Variants in TRIOBP observed in about 807,000 individuals in gnomAD.
TRIOBP encodes TRIO and F-actin binding protein, also known as TRIO and F-actin-binding protein.
TRIOBP carries 169 observed loss-of-function variants against 238.8 expected under a neutral mutation model. The observed-to-expected ratio is 0.71, with a 90% CI of 0.62 to 0.80. TRIOBP has a LOEUF of 0.80. TRIOBP is among the 30% of genes least tolerant of loss of function. The pLI, the probability that TRIOBP is intolerant of heterozygous loss-of-function variation, is 0.00. For missense variants in TRIOBP, 2,838 were observed against 3,122.6 expected (o/e 0.91, Z 2.17); for synonymous variants, 1,150 against 1,274.4 (o/e 0.90, Z 2.08).
chr22:37,751,726 G>A, intron 11 of TRIOBP, 46 bp from the exon 12 acceptor site: 2 of 1,609,928 alleles, frequency 1.2e-6, no homozygotes, highest in Non-Finnish European at 1.7e-6. Context: ...AGCCCCCATT[G>A]GCTTCCTGCT....
chr22:37,743,402 CT>C (rs1195428683), intron 11 of TRIOBP, among the ~76,000 whole-genome samples: 1 of 152,192 alleles, frequency 6.6e-6, no homozygotes, highest in Non-Finnish European at 1.5e-5. Flanking sequence ...TAGCTCTGGT[CT>C]TTGCCAGTTT....
In TRIOBP at chr22:37,723,068, G is replaced by C. The variant is rs181255301; in HGVS notation, c.629-117G>C. The stretch of plus-strand genomic sequence containing the variant: ...TCACTTGGTACAGACAGTGAGACCT[G>C]TAGGAGGAGGGTGTGGGGTTTGCCC... On this transcript the variant is annotated intron_variant, in intron 6 of 23. Transcript: ENST00000644935. 1.2e-5 allele frequency: 12 copies of C among 989,482 alleles called. No homozygotes were observed. The East Asian group carries it at 2.6e-4, about 21-fold the overall frequency. 61.3% of individuals were successfully genotyped at this position (989,482 alleles called of 1,614,324 possible).
chr22:37,741,292 C>T (rs765914865), intron 11 of TRIOBP, among the ~76,000 whole-genome samples: 15 of 152,108 alleles, frequency 9.9e-5, no homozygotes, highest in Non-Finnish European at 1.9e-4. Context: ...ATCTACACAG[C>T]TGAAAGCTTC....
At chr22:37,766,981 T>G (rs1926528522) in intron 18 of TRIOBP, among the ~76,000 whole-genome samples, 1 of 138,978 alleles carries the variant, frequency 7.2e-6, no homozygotes, top group Non-Finnish European at 1.5e-5. Flanking sequence ...GGCCAGGCAC[T>G]GTGGCTCATG....
intron 7 of TRIOBP, among the ~76,000 whole-genome samples, chr22:37,730,447 A>G (rs1924368342): frequency 6.6e-6 from 1 of 152,164 alleles, no homozygotes; most frequent in African/African-American, 2.4e-5. Context: ...ATCCATCCGG[A>G]AGAGAACACA....
intron 6 of TRIOBP, among the ~76,000 whole-genome samples, chr22:37,718,496 C>T (rs2413479): frequency 0.54 from 81,044 of 150,794 alleles, 22,502 homozygotes; most frequent in East Asian, 0.7. Flanking sequence ...CAAGAGGCTG[C>T]TCAGCATCCC....
At position 37,716,268 on chromosome 22, in the gene TRIOBP, T is replaced by A. The variant is rs557099772; in HGVS notation, c.628+334T>A. On this transcript the variant is annotated intron_variant, in intron 6 of 23. Coordinates refer to ENST00000644935, the MANE Select transcript of TRIOBP (RefSeq NM_001039141.3). The stretch of plus-strand genomic sequence containing the variant: ...CTAAGATTACAGGCTCCCGCCACCA[T>A]GCCCAGCTAATTTTTGTCTTTTTAG... Among the ~76,000 whole-genome samples, 9 of 146,596 alleles carry A rather than the reference T, an allele frequency of 6.1e-5. No individual in the cohort carries two copies. In the East Asian group the frequency reaches 1.9e-3, roughly 31 times the overall value.
At chr22:37,738,772 G>C (rs1165462702) in intron 10 of TRIOBP, 53 bp downstream of exon 10, 29 of 1,572,440 alleles carry the variant, frequency 1.8e-5, no homozygotes, top group Middle Eastern at 3.5e-4. Context: ...GGGGGAAGCA[G>C]GTTGGAGATG....
At position 37,725,460 on chromosome 22, in the gene TRIOBP, C is replaced by A. The variant is rs1425776536; in HGVS notation, c.2904C>A (p.Thr968=). 2 of 1,613,188 alleles carry A rather than the reference C, an allele frequency of 1.2e-6. No individual in the cohort carries two copies. Among genetic ancestry groups the A allele is most frequent in the Middle Eastern group, 1.7e-4 (1 of 6,058 alleles). ...CACCCCAGTCCTCCTTTGGCCCCAC[C>A]CAGTACAACTTGCCATCCCGGGCCA... ...HDPPQSSFGP[T]QYNLPSRATS... Residue 968 remains threonine (T), a synonymous_variant, in exon 7 of 24, where the codon ACC becomes ACA. Coordinates refer to ENST00000644935, the MANE Select transcript of TRIOBP (RefSeq NM_001039141.3).
At chr22:37,752,579 G>T (rs1325899125) in intron 12 of TRIOBP, among the ~76,000 whole-genome samples, 2 of 152,212 alleles carry the variant, frequency 1.3e-5, no homozygotes, top group Admixed American at 6.5e-5. Context: ...ATGCCGGAGA[G>T]GGCTTTGAGC....
At chr22:37,705,085 A>G (rs1328625840) in intron 3 of TRIOBP, among the ~76,000 whole-genome samples, 1 of 149,690 alleles carries the variant, frequency 6.7e-6, no homozygotes, top group Non-Finnish European at 1.5e-5. Flanking sequence ...AAACAAAACA[A>G]ACAAACAGGT....
chr22:37,717,410 T>G (rs898219497), intron 6 of TRIOBP, among the ~76,000 whole-genome samples: 1 of 152,236 alleles, frequency 6.6e-6, no homozygotes, highest in African/African-American at 2.4e-5. Context: ...CCTGCTTTTA[T>G]TCTCTTGTCT....
chr22:37,729,110 G>T (rs1338626704), intron 7 of TRIOBP, among the ~76,000 whole-genome samples: 2 of 151,958 alleles, frequency 1.3e-5, no homozygotes, highest in Admixed American at 6.6e-5. Flanking sequence ...TAGCGACAGG[G>T]TTTCACCCTG....
At chr22:37,711,152 C>G (rs1294084424) in intron 4 of TRIOBP, among the ~76,000 whole-genome samples, 2 of 152,162 alleles carry the variant, frequency 1.3e-5, no homozygotes, top group African/African-American at 4.8e-5. Flanking sequence ...CCTGATGGGT[C>G]TTGAGCAAGT....
intron 6 of TRIOBP, among the ~76,000 whole-genome samples, chr22:37,717,541 C>T (rs2145826221): frequency 6.6e-6 from 1 of 152,284 alleles, no homozygotes; most frequent in Non-Finnish European, 1.5e-5. Context: ...TCCACATCCC[C>T]ACTAGATTAG....
intron 7 of TRIOBP, among the ~76,000 whole-genome samples, chr22:37,728,815 T>C (rs1924296111): frequency 6.6e-6 from 1 of 152,226 alleles, no homozygotes; most frequent in Non-Finnish European, 1.5e-5. Context: ...TAGGGTTCAC[T>C]CTTGGTGATG....
intron 15 of TRIOBP, among the ~76,000 whole-genome samples, chr22:37,756,923 G>A (rs1601658274): frequency 6.6e-6 from 1 of 152,174 alleles, no homozygotes; most frequent in Non-Finnish European, 1.5e-5. Flanking sequence ...TCGGGAACCT[G>A]GGACATTGGT....
intron 11 of TRIOBP, chr22:37,750,930 G>A: frequency 2.7e-6 from 1 of 368,276 alleles, no homozygotes; most frequent in South Asian, 2.0e-5. Flanking sequence ...TAGGCTCAGA[G>A]CCATGGCAAC....
Position 37,755,124 on chromosome 22 carries a change from C to G in TRIOBP, c.5511C>G (p.Ile1837Met), listed in dbSNP as rs763019815. The G allele has an allele frequency of 3.1e-6, 5 of 1,613,694 alleles. No homozygotes were observed. The highest frequency in any genetic ancestry group is 8.5e-7 in the Non-Finnish European group (1 of 1,179,838). Reference sequence around the variant, plus strand: ...AGGCAGATGAGCTGGATGGTGAGATCGACCTGCGTTCCTGCACGGATGTCA... The same window carrying G: ...AGGCAGATGAGCTGGATGGTGAGATGGACCTGCGTTCCTGCACGGATGTCA... ...AEEADELDGE[I>M]DLRSCTDVTE... Residue 1837 changes from isoleucine to methionine, a missense_variant, in exon 14 of 24, where the codon ATC (isoleucine) becomes ATG (methionine). Coordinates refer to ENST00000644935, the MANE Select transcript of TRIOBP (RefSeq NM_001039141.3).
Sources: allele counts gnomAD v4.1 joint callset (sites outside exome capture counted in the v4.1 genomes callset), GRCh38; gene constraint gnomAD v4.1.1; transcripts MANE v1.5; gene names NCBI Gene and HGNC (gene_info 2026-07-23, HGNC 2026-07-21).